MROH2B: variants seen among roughly 807,000 people sequenced by gnomAD.
MROH2B encodes maestro heat like repeat family member 2B.
MROH2B carries 177 observed loss-of-function variants against 208.6 expected under a neutral mutation model. The ratio of observed to expected loss-of-function variants is 0.85; its 90% CI spans 0.75 to 0.96. The LOEUF (loss-of-function observed/expected upper bound fraction) is 0.96, where lower values mean the gene tolerates loss of function less well. MROH2B is among the 40% of genes least tolerant of loss of function. The pLI, the probability that MROH2B is intolerant of heterozygous loss-of-function variation, is 0.00. For synonymous variants in MROH2B, 728 were observed against 659.0 expected (o/e 1.10, Z -1.60); for missense variants, 2,002 against 1,878.7 (o/e 1.07, Z -1.21).
rs542978602 is a variant in MROH2B, at chr5:41,012,941, C to T, written c.2983-206G>A. On this transcript the variant is annotated intron_variant, in intron 29 of 41. Coordinates refer to ENST00000399564, the MANE Select transcript of MROH2B (RefSeq NM_173489.5). The stretch of plus-strand genomic sequence containing the variant: ...ACTAAGCAAACTTTCCGTGGAGTTG[C>T]CTTTTTTATCATTTCATATTTATTG... Among the ~76,000 whole-genome samples the T allele has an allele frequency of 7.9e-5, 12 of 152,284 alleles. No individual in the cohort carries two copies. In the South Asian group the frequency reaches 2.5e-3, roughly 32 times the overall value.
intron 37 of MROH2B, among the ~76,000 whole-genome samples, chr5:41,002,923 C>A (rs981081134): frequency 2.6e-5 from 4 of 151,646 alleles, no homozygotes; most frequent in Non-Finnish European, 5.9e-5. Flanking sequence ...TATTTTTACC[C>A]CAGTAAGCAT....
intron 30 of MROH2B, 26 bp from the exon 31 acceptor site, chr5:41,010,105 C>T: frequency 1.2e-6 from 2 of 1,607,440 alleles, no homozygotes; most frequent in Middle Eastern, 1.7e-4. Context: ...CCAAGTCAAA[C>T]ATTAAGTTGC....
chr5:41,003,503 GTAA>G (rs1741472849), intron 37 of MROH2B, among the ~76,000 whole-genome samples: 1 of 152,060 alleles, frequency 6.6e-6, no homozygotes. Context: ...GATTTGAGAG[GTAA>G]TATATCCTTA....
At position 41,012,542 on chromosome 5, in the gene MROH2B, A is replaced by T. The variant is rs111660506; in HGVS notation, c.3135+41T>A. 4.3e-4 allele frequency: 677 copies of T among 1,587,580 alleles called. 1 individual carries two copies. The African/African-American group carries it at 7.8e-3, about 18-fold the overall frequency. On this transcript the variant is annotated intron_variant, in intron 30 of 41. Coordinates refer to ENST00000399564, the MANE Select transcript of MROH2B (RefSeq NM_173489.5). ...TGGCTGACTTGGCATTTCAGAAGTGATAGAAATCTGTTCAGTTGTTAAAAC... is the reference window on the plus strand; with the variant it reads ...TGGCTGACTTGGCATTTCAGAAGTGTTAGAAATCTGTTCAGTTGTTAAAAC...
At chr5:41,052,663 A>T in intron 11 of MROH2B, 76 bp from the exon 12 acceptor site, 8 of 1,344,604 alleles carry the variant, frequency 5.9e-6, no homozygotes, top group Non-Finnish European at 7.9e-6. Flanking sequence ...TTATTCTATA[A>T]TCTTAAGGAT....
intron 24 of MROH2B, among the ~76,000 whole-genome samples, chr5:41,027,693 T>C (rs531902724): frequency 3.2e-4 from 49 of 152,334 alleles, no homozygotes; most frequent in African/African-American, 1.1e-3. Flanking sequence ...ACTGGGTATA[T>C]ACCCAAAGAA....
chr5:41,065,964 G>A (rs1000381439), intron 3 of MROH2B, among the ~76,000 whole-genome samples: 3 of 152,100 alleles, frequency 2.0e-5, no homozygotes, highest in African/African-American at 7.2e-5. Context: ...TTAGTAGCTG[G>A]GAAAGCAGAG....
At chr5:41,057,945 T>C in intron 7 of MROH2B, 118 bp downstream of exon 7, 1 of 953,704 alleles carries the variant, frequency 1.0e-6, no homozygotes, top group Middle Eastern at 3.6e-4. Context: ...CAAGAGATAT[T>C]GAAAGTCAGC....
At position 41,038,726 on chromosome 5, in the gene MROH2B, C is replaced by T. The variant is rs1301449101; in HGVS notation, c.2214+10G>A. Reference sequence around the variant, plus strand: ...CCTAGAAATGGAGGCAGCCATGCAACGGGCATTACCTGAGAGCACTGGCCA... The same window carrying T: ...CCTAGAAATGGAGGCAGCCATGCAATGGGCATTACCTGAGAGCACTGGCCA... On this transcript the variant is annotated intron_variant, in intron 21 of 41. Transcript: ENST00000399564. The T allele has an allele frequency of 1.4e-5, 22 of 1,592,956 alleles. No individual in the cohort carries two copies. The highest frequency in any genetic ancestry group is 3.4e-5 in the Admixed American group (2 of 58,218).
In MROH2B at chr5:41,039,448, C is replaced by A. The variant is rs765668704; in HGVS notation, c.2061G>T (p.Lys687Asn). The A allele has an allele frequency of 1.3e-6, 2 of 1,554,826 alleles. No individual in the cohort carries two copies. The highest frequency in any genetic ancestry group is 1.8e-5 in the Admixed American group (1 of 55,588). Reference sequence around the variant, plus strand: ...ATTTGAAGGAGATGATTCTTCTTACCTTACATCGATTCATGAAAAACTTTT... The same window carrying A: ...ATTTGAAGGAGATGATTCTTCTTACATTACATCGATTCATGAAAAACTTTT... ...NQEKFFMNRC[K>N]SLFSGKKSLT... Residue 687 changes from lysine (K) to asparagine (N), a missense_variant and splice_region_variant, in exon 20 of 42, where the codon AAG becomes AAT. Physicochemically the swap from Lys to Asn is moderately conservative, Grantham distance 94. Coordinates refer to ENST00000399564, the MANE Select transcript of MROH2B (RefSeq NM_173489.5).
At chr5:41,070,456 C>T (rs556470411) in intron 1 of MROH2B, among the ~76,000 whole-genome samples, 2 of 152,136 alleles carry the variant, frequency 1.3e-5, no homozygotes, top group African/African-American at 4.8e-5. Context: ...ACAACATACT[C>T]ATTTAGGGCA....
intron 37 of MROH2B, among the ~76,000 whole-genome samples, chr5:41,001,672 G>A (rs539492876): frequency 1.2e-4 from 18 of 151,952 alleles, no homozygotes; most frequent in Admixed American, 1.3e-4. Context: ...AGCCAAGATC[G>A]TGCCACTGCA....
intron 20 of MROH2B, 129 bp from the exon 21 acceptor site, chr5:41,039,017 T>G: frequency 1.2e-6 from 1 of 802,690 alleles, no homozygotes; most frequent in Non-Finnish European, 1.9e-6. Flanking sequence ...CGAATAAGTC[T>G]AAAATGAATA....
At chr5:41,001,582 G>A (rs1048262195) in intron 37 of MROH2B, among the ~76,000 whole-genome samples, 20 of 152,016 alleles carry the variant, frequency 1.3e-4, no homozygotes, top group African/African-American at 1.9e-4. Context: ...CTGGTGGCAC[G>A]TGCCTGTAGT....
chr5:41,049,647 T>C (rs1483471584), intron 13 of MROH2B, among the ~76,000 whole-genome samples: 13 of 152,200 alleles, frequency 8.5e-5, no homozygotes, highest in Admixed American at 8.5e-4. Context: ...TCAGTATTTC[T>C]CCATGGGGAC....
rs367858254 is a variant in MROH2B, at chr5:41,064,585, A to G, written c.362-15T>C. 17 of 1,596,026 alleles carry G rather than the reference A, an allele frequency of 1.1e-5. No individual in the cohort carries two copies. The highest frequency in any genetic ancestry group is 1.4e-5 in the Non-Finnish European group (16 of 1,166,528). On this transcript the variant is annotated splice_polypyrimidine_tract_variant and intron_variant, in intron 4 of 41. Coordinates refer to ENST00000399564, the MANE Select transcript of MROH2B (RefSeq NM_173489.5). ...ACTCTGGGACACTGGAGGGAGAGGC[A>G]GAAAGGAGACAAGTGTTATTTATCT...
intron 21 of MROH2B, among the ~76,000 whole-genome samples, chr5:41,035,250 T>C (rs933902772): frequency 1.3e-5 from 2 of 151,866 alleles, no homozygotes; most frequent in East Asian, 3.9e-4. Flanking sequence ...CATAAACCAA[T>C]AGAACAGAAC....
At chr5:41,026,966 G>T (rs569266714) in intron 24 of MROH2B, among the ~76,000 whole-genome samples, 9 of 152,246 alleles carry the variant, frequency 5.9e-5, no homozygotes, top group African/African-American at 2.2e-4. Flanking sequence ...AAATGATGTT[G>T]GGAAAACTGG....
rs370194636 is a variant in MROH2B at position 41,054,810 on chromosome 5, A to G, written c.1064T>C (p.Ile355Thr). 2.6e-5 allele frequency: 42 copies of G among 1,611,792 alleles called. No individual in the cohort carries two copies. The highest frequency in any genetic ancestry group is 3.5e-5 in the Non-Finnish European group (41 of 1,178,854). ...CATGACGATTTTGACTGTTCTTTCTATTGAAATGATGTGATCCCTCAACCT... is the reference window on the plus strand; with the variant it reads ...CATGACGATTTTGACTGTTCTTTCTGTTGAAATGATGTGATCCCTCAACCT... ...EPRLRDHIISIERTVKIVMGD... is the reference protein window; with the variant it reads ...EPRLRDHIISTERTVKIVMGD... Residue 355 changes from isoleucine (I) to threonine (T), a missense_variant, in exon 11 of 42, where the codon ATA (isoleucine) becomes ACA (threonine). Ile to Thr is a moderately conservative substitution (Grantham distance 89). Coordinates refer to ENST00000399564, the MANE Select transcript of MROH2B (RefSeq NM_173489.5).
Sources: gnomAD v4.1 joint callset for allele counts (sites outside exome capture counted in the v4.1 genomes callset) on GRCh38, gnomAD v4.1.1 for gene constraint, MANE v1.5 for transcripts, NCBI Gene and HGNC (gene_info 2026-07-23, HGNC 2026-07-21) for gene names.